TNR: variants seen among roughly 807,000 people sequenced by gnomAD.
TNR encodes the protein tenascin R, also known as tenascin-R.
TNR carries 45 observed loss-of-function variants against 150.4 expected under a neutral mutation model. The observed-to-expected ratio is 0.30, with a 90% CI of 0.24 to 0.38. The LOEUF is 0.38. Ranked by LOEUF, TNR falls within the 10% of genes least tolerant of loss-of-function variation. The pLI, the probability that TNR is intolerant of heterozygous loss-of-function variation, is 1.00. For missense variants in TNR, 1,544 were observed against 1,759.1 expected (o/e 0.88, Z 2.19); for synonymous variants, 687 against 678.4 (o/e 1.01, Z -0.20).
rs991827872 is a variant in TNR, at chr1:175,689,694, C to T, written c.-165+53532G>A. Among the ~76,000 whole-genome samples, 165 of 152,146 alleles carry T rather than the reference C, an allele frequency of 1.1e-3. 2 individuals are homozygous for T. Among genetic ancestry groups the T allele is most frequent in the African/African-American group, 3.8e-3 (158 of 41,418 alleles). On this transcript the variant is annotated intron_variant, in intron 1 of 22. Coordinates refer to ENST00000367674, the MANE Select transcript of TNR (RefSeq NM_003285.3). ...CTCGATGCCATCCCATTAGAATGCA[C>T]CAATATTTATGCACATTTTAATGGC...
At chr1:175,406,089 A>C in intron 3 of TNR, 127 bp downstream of exon 3, 1 of 1,284,314 alleles carries the variant, frequency 7.8e-7, no homozygotes, top group Non-Finnish European at 1.1e-6. Flanking sequence ...CCGTGTGAAG[A>C]GATGCCGGGG....
At chr1:175,349,890 T>C (rs1650976219) in intron 18 of TNR, among the ~76,000 whole-genome samples, 1 of 152,194 alleles carries the variant, frequency 6.6e-6, no homozygotes, top group South Asian at 2.1e-4. Context: ...GTTTGTCTTA[T>C]AATAAAGCAA....
At chr1:175,732,360 G>A (rs918621546) in intron 1 of TNR, among the ~76,000 whole-genome samples, 30 of 152,332 alleles carry the variant, frequency 2.0e-4, no homozygotes, top group African/African-American at 7.0e-4. Context: ...TGAGGCTTTT[G>A]TGGATAGATG....
At chr1:175,327,234 GT>G (rs1193652811) in intron 21 of TNR, among the ~76,000 whole-genome samples, 1 of 152,068 alleles carries the variant, frequency 6.6e-6, no homozygotes, top group Non-Finnish European at 1.5e-5. Flanking sequence ...TGCTCCCAGT[GT>G]TGGTCTTTAC....
chr1:175,572,007 G>A (rs566616872), intron 1 of TNR, among the ~76,000 whole-genome samples: 2 of 152,126 alleles, frequency 1.3e-5, no homozygotes, highest in Non-Finnish European at 2.9e-5. Flanking sequence ...GGTGTTTGTT[G>A]TTGAACAAAC....
At chr1:175,700,293 G>A (rs1666651264) in intron 1 of TNR, among the ~76,000 whole-genome samples, 1 of 152,148 alleles carries the variant, frequency 6.6e-6, no homozygotes, top group South Asian at 2.1e-4. Context: ...CAGTCCAGAA[G>A]CTTGGCCCCA....
intron 18 of TNR, among the ~76,000 whole-genome samples, chr1:175,346,058 G>A (rs890421865): frequency 3.9e-5 from 6 of 152,058 alleles, no homozygotes; most frequent in African/African-American, 1.4e-4. Flanking sequence ...ATATTTTTAG[G>A]TAGTATTTGA....
intron 1 of TNR, among the ~76,000 whole-genome samples, chr1:175,680,385 C>T (rs1665993320): frequency 6.6e-6 from 1 of 151,692 alleles, no homozygotes; most frequent in East Asian, 1.9e-4. Flanking sequence ...ACTAAAGGAA[C>T]AAGAGAGGGA....
intron 2 of TNR, among the ~76,000 whole-genome samples, chr1:175,459,224 C>T (rs1324696793): frequency 6.6e-6 from 1 of 151,748 alleles, no homozygotes; most frequent in African/African-American, 2.4e-5. Context: ...TCCCTCAATG[C>T]CATTATCACA....
At chr1:175,690,262 G>A (rs976874690) in intron 1 of TNR, among the ~76,000 whole-genome samples, 5 of 152,220 alleles carry the variant, frequency 3.3e-5, no homozygotes, top group Non-Finnish European at 7.3e-5. Flanking sequence ...GTACTGAAGT[G>A]ACAAAGACAG....
At chr1:175,396,082 G>A (rs1053801611) in intron 5 of TNR, among the ~76,000 whole-genome samples, 1 of 152,178 alleles carries the variant, frequency 6.6e-6, no homozygotes, top group East Asian at 1.9e-4. Flanking sequence ...CAGGAGAAGG[G>A]GATGTTGTCA....
chr1:175,448,979 A>G (rs921561002), intron 2 of TNR, among the ~76,000 whole-genome samples: 1 of 152,186 alleles, frequency 6.6e-6, no homozygotes, highest in Non-Finnish European at 1.5e-5. Context: ...CCTGGCTCCA[A>G]TCTAACACGA....
chr1:175,671,928 TG>T (rs1665712306), intron 1 of TNR, among the ~76,000 whole-genome samples: 1 of 151,610 alleles, frequency 6.6e-6, no homozygotes, highest in Non-Finnish European at 1.5e-5. Context: ...TGTGTGTGTG[TG>T]TGTGTGTGTG....
At chr1:175,440,259 G>A (rs1475422288) in intron 2 of TNR, among the ~76,000 whole-genome samples, 4 of 151,796 alleles carry the variant, frequency 2.6e-5, no homozygotes, top group Non-Finnish European at 5.9e-5. Flanking sequence ...ATCATTCTCA[G>A]CAAACTATCA....
At chr1:175,603,002 AATAC>A (rs1429415852) in intron 1 of TNR, among the ~76,000 whole-genome samples, 2 of 152,262 alleles carry the variant, frequency 1.3e-5, no homozygotes, top group Admixed American at 1.3e-4. Context: ...GGAAAAAATA[AATAC>A]ATACATAATA....
chr1:175,610,965 A>C (rs1193399821), intron 1 of TNR, among the ~76,000 whole-genome samples: 1 of 152,176 alleles, frequency 6.6e-6, no homozygotes, highest in Non-Finnish European at 1.5e-5. Flanking sequence ...TGGCTTGATC[A>C]CTGAGCCAGT....
At chr1:175,452,542 C>G (rs937526077) in intron 2 of TNR, among the ~76,000 whole-genome samples, 2 of 152,184 alleles carry the variant, frequency 1.3e-5, no homozygotes, top group Non-Finnish European at 2.9e-5. Context: ...TGCAAAGGCC[C>G]TCCCAGGCCA....
chr1:175,722,658 T>C (rs894220816), intron 1 of TNR, among the ~76,000 whole-genome samples: 3 of 151,892 alleles, frequency 2.0e-5, no homozygotes, highest in Non-Finnish European at 2.9e-5. Context: ...AGAGACAGGG[T>C]TTCACCACGT....
At chr1:175,697,036 C>A (rs754733371) in intron 1 of TNR, among the ~76,000 whole-genome samples, 1 of 124,264 alleles carries the variant, frequency 8.0e-6, no homozygotes, top group Non-Finnish European at 1.7e-5. Context: ...AATAACATTT[C>A]TTTAAAAGAA....
Sources: gnomAD v4.1 joint callset for allele counts (sites outside exome capture counted in the v4.1 genomes callset) on GRCh38, gnomAD v4.1.1 for gene constraint, MANE v1.5 for transcripts, NCBI Gene and HGNC (gene_info 2026-07-23, HGNC 2026-07-21) for gene names.